RGS11: variants seen among roughly 807,000 people sequenced by gnomAD.
RGS11 encodes regulator of G-protein signaling 11.
RGS11 carries 86 observed loss-of-function variants against 71.1 expected under a neutral mutation model. The ratio of observed to expected loss-of-function variants is 1.21; its 90% confidence interval spans 1.02 to 1.45. The LOEUF is 1.45. Ranked by LOEUF, RGS11 falls within the 40% of genes most tolerant of loss-of-function variation. RGS11 has a pLI of 0.00. For missense variants in RGS11, 734 were observed against 635.1 expected, an observed-to-expected ratio of 1.16 and a Z score of -1.67; for synonymous variants, 298 against 254.2, an observed-to-expected ratio of 1.17 and a Z score of -1.64.
intron 6 of RGS11, 90 bp from the exon 7 acceptor site, chr16:273,926 G>T: frequency 6.7e-7 from 1 of 1,484,940 alleles, no homozygotes; most frequent in Non-Finnish European, 9.4e-7. Flanking sequence ...ACTGTCTTGG[G>T]TTTTGGGGCC....
chr16:269,556 G>T lies in RGS11; in HGVS notation c.1236C>A (p.Asp412Glu), dbSNP rs1433037827. 1 of 1,613,420 alleles carries T rather than the reference G, an allele frequency of 6.2e-7. No homozygotes were observed. The highest frequency in any genetic ancestry group is 8.5e-7 in the Non-Finnish European group (1 of 1,179,906). ...CCTCTGCCAGGAGGGCCTTGTACAT[G>T]TCAGACTTCAGGAACCTTGGGTAGG... is the stretch of plus-strand genomic sequence containing the variant. The part of the protein sequence containing the change: ...KDSYPRFLKS[D>E]MYKALLAEAG... The change falls in exon 16 of 17, where the codon GAC becomes GAA. Residue 412 changes from aspartate to glutamate, a missense_variant. Transcript: ENST00000397770.
rs1261886254 is a variant in RGS11 at position 275,901 on chromosome 16, C to T, written c.11G>A (p.Gly4Asp). ...GGGGCGGCCGGGGGGCGGCGCGGGG[C>T]CGGCGGCCATGGCTGCGGGGCGAGG... The part of the protein sequence containing the change: MAA[G>D]PAPPPGRPRA... Residue 4 changes from glycine to aspartate, a missense_variant, in exon 1 of 17, where the codon GGC becomes GAC. Physicochemically the swap from Gly to Asp is moderately conservative, Grantham distance 94 (BLOSUM62 -1). Transcript: ENST00000397770. The T allele has an allele frequency of 8.0e-6, 7 of 873,228 alleles. No individual in the cohort carries two copies. Among genetic ancestry groups the T allele is most frequent in the Non-Finnish European group, 9.8e-6 (7 of 714,226 alleles). The allele number at this position is 873,228 out of a possible 1,614,324, so 54.1% of individuals were successfully genotyped here.
chr16:274,511 C>T (rs1166273404), intron 4 of RGS11: 1 of 602,422 alleles, frequency 1.7e-6, no homozygotes, highest in Non-Finnish European at 3.0e-6. Flanking sequence ...CCTAAGCCCC[C>T]ATTCAAGGCG....
At position 268,311 on chromosome 16, in the gene RGS11, C is replaced by T. The variant is rs1238031139; in HGVS notation, c.*958G>A. The T allele has an allele frequency of 4.1e-6, 1 of 244,970 alleles. No homozygotes were observed. The highest frequency in any genetic ancestry group is 8.1e-6 in the Non-Finnish European group (1 of 123,452). 15.2% of individuals were successfully genotyped at this position (244,970 alleles called of 1,614,324 possible). On this transcript the variant is annotated 3_prime_UTR_variant, in exon 17 of 17. Transcript: ENST00000397770. ...TAAGCTGCACCCACAGCAGGATGGGCTCAGAGCCAGGGCCCAAGGGTCTTT... is the reference window on the plus strand; with the variant it reads ...TAAGCTGCACCCACAGCAGGATGGGTTCAGAGCCAGGGCCCAAGGGTCTTT...
At position 269,131 on chromosome 16, in the gene RGS11, G is replaced by C. The variant is rs1394082748; in HGVS notation, c.*138C>G. ...GAGGGAGGCTGTGCACCCCACAGAA[G>C]ACTGGGCCCCCTGGGCACAAGGGGA... On this transcript the variant is annotated 3_prime_UTR_variant, in exon 17 of 17. Coordinates refer to ENST00000397770, the MANE Select transcript of RGS11 (RefSeq NM_183337.3). 5 of 902,866 alleles carry C rather than the reference G, an allele frequency of 5.5e-6. No homozygotes were observed. The highest frequency in any genetic ancestry group is 8.9e-6 in the Non-Finnish European group (5 of 560,576). The allele number at this position is 902,866 out of a possible 1,614,324, so 55.9% of individuals were successfully genotyped here. A position where few individuals can be genotyped will look rare whatever the true frequency, so the allele number is the denominator to read the frequency against.
chr16:273,299 T>C (rs1268252750), intron 8 of RGS11, among the ~76,000 whole-genome samples, 176 bp downstream of exon 8: 1 of 152,076 alleles, frequency 6.6e-6, no homozygotes, highest in Admixed American at 6.5e-5. Context: ...GAGACCTGGG[T>C]TCTGATTGGC....
Position 268,798 on chromosome 16 carries a change from G to A in RGS11, c.*471C>T. The A allele has an allele frequency of 4.5e-6, 7 of 1,550,352 alleles. No individual in the cohort carries two copies. Among genetic ancestry groups the A allele is most frequent in the Non-Finnish European group, 6.1e-6 (7 of 1,146,982 alleles). On this transcript the variant is annotated 3_prime_UTR_variant, in exon 17 of 17. Coordinates refer to ENST00000397770, the MANE Select transcript of RGS11 (RefSeq NM_183337.3). ...CAGGCTCACACTGGGCGACAGCGGA[G>A]AGGCTCTTGGACGGGGCAGAGCTCG...
At chr16:275,552 C>A in intron 1 of RGS11, 54 bp from the exon 2 acceptor site, 1 of 1,410,972 alleles carries the variant, frequency 7.1e-7, no homozygotes, top group East Asian at 2.5e-5. Context: ...CCCTGATTCC[C>A]TGGCACCGGC....
In RGS11 at chr16:274,997, G is replaced by A. The variant is rs750813532; in HGVS notation, c.297C>T (p.Asp99=). Residue 99 remains aspartate, a synonymous_variant, in exon 4 of 17, where the codon GAC becomes GAT. Coordinates refer to ENST00000397770, the MANE Select transcript of RGS11 (RefSeq NM_183337.3). ...RDPRSLMLRP[D]ETPYRFQTPY... ...TGACCTGGAACCTGTAGGGCGTCTC[G>A]TCTGGCCGGAGCATGAGGCTACGGG... 1.5e-5 allele frequency: 23 copies of A among 1,538,616 alleles called. No individual in the cohort carries two copies. In the Middle Eastern group the frequency reaches 1.7e-3, roughly 113 times the overall value.
At chr16:274,670 G>A in intron 4 of RGS11, 1 of 666,104 alleles carries the variant, frequency 1.5e-6, no homozygotes, top group East Asian at 2.9e-5. Context: ...CCCTCCCTCA[G>A]GACCTGGGCC....
In RGS11 at chr16:271,022, C is replaced by T. The variant is rs546820820; in HGVS notation, c.941G>A (p.Arg314Gln). Residue 314 changes from arginine to glutamine, a missense_variant, in exon 13 of 17, where the codon CGG (arginine) becomes CAG (glutamine). Transcript: ENST00000397770. ...TCCCAGAAAGTCCATGAAGTGGGCC[C>T]GCCCCACGGGGTCCTCCAGGAGCTC... is the stretch of plus-strand genomic sequence containing the variant. ...FRELLEDPVG[R>Q]AHFMDFLGKE... The T allele has an allele frequency of 1.2e-5, 19 of 1,612,442 alleles. No individual in the cohort carries two copies. The highest frequency in any genetic ancestry group is 7.7e-5 in the South Asian group (7 of 91,072).
intron 9 of RGS11, chr16:272,430 GT>G: frequency 1.5e-6 from 2 of 1,304,084 alleles, no homozygotes; most frequent in Non-Finnish European, 2.0e-6. Flanking sequence ...TGAACAAAGG[GT>G]TTTGCTGCTG....
At position 274,967 on chromosome 16, in the gene RGS11, G is replaced by C. The variant is rs375487690; in HGVS notation, c.318+9C>G. 3 of 1,542,122 alleles carry C rather than the reference G, an allele frequency of 1.9e-6. No homozygotes were observed. The highest frequency in any genetic ancestry group is 1.2e-5 in the South Asian group (1 of 82,526). ...CCCACCGGCTCCCACCTGCACCCCCGAGCCTGACCTGGAACCTGTAGGGCG... is the reference window on the plus strand; with the variant it reads ...CCCACCGGCTCCCACCTGCACCCCCCAGCCTGACCTGGAACCTGTAGGGCG... On this transcript the variant is annotated intron_variant, in intron 4 of 16. Transcript: ENST00000397770.
At chr16:271,499 G>C (rs768978272) in intron 10 of RGS11, 39 bp from the exon 11 acceptor site, 1 of 1,613,996 alleles carries the variant, frequency 6.2e-7, no homozygotes, top group South Asian at 1.1e-5. Context: ...CCGGGCTGGG[G>C]AAGGCACCTG....
Position 273,549 on chromosome 16 carries a change from T to G in RGS11, c.514A>C (p.Lys172Gln), listed in dbSNP as rs1455444181. Residue 172 changes from lysine (K) to glutamine (Q), a missense_variant, in exon 8 of 17, where the codon AAG becomes CAG. Transcript: ENST00000397770. ...AGCCTGTCCCCCTTGCTGCGCTGCT[T>G]GGCTGCCCTGGGAGGAGGAGGCCGA... ...MQAREQLRAAKQRSKGDRLVI... is the reference protein window; with the variant it reads ...MQAREQLRAAQQRSKGDRLVI... The G allele has an allele frequency of 6.4e-7, 1 of 1,559,970 alleles. No homozygotes were observed. The highest frequency in any genetic ancestry group is 8.7e-7 in the Non-Finnish European group (1 of 1,152,284).
intron 1 of RGS11, 29 bp downstream of exon 1, chr16:275,820 G>A (rs1396196837): frequency 9.8e-7 from 1 of 1,019,996 alleles, no homozygotes; most frequent in Non-Finnish European, 1.2e-6. Flanking sequence ...GGAAATCGGG[G>A]GACGGCGGGA....
chr16:269,481 A>G (rs772666490), intron 16 of RGS11, 22 bp downstream of exon 16: 33 of 1,611,214 alleles, frequency 2.0e-5, no homozygotes, highest in Non-Finnish European at 2.7e-5. Context: ...GCCGCCGGCC[A>G]CAGGGCACTG....
rs754539263 is a variant in RGS11, at chr16:270,730, C to T, written c.1067+14G>A. The T allele has an allele frequency of 2.5e-6, 4 of 1,611,654 alleles. No homozygotes were observed. In the African/African-American group the frequency reaches 5.3e-5, roughly 22 times the overall value. ...TGCCCGTTGGCCAACCGGTGCCCAC[C>T]ACGCAGCACTTACTCGTACACGGCA... is the stretch of plus-strand genomic sequence containing the variant. On this transcript the variant is annotated intron_variant, in intron 14 of 16. Transcript: ENST00000397770.
Position 271,387 on chromosome 16 carries a change from C to T in RGS11, c.749+12G>A, listed in dbSNP as rs367771518. 29 of 1,613,424 alleles carry T rather than the reference C, an allele frequency of 1.8e-5. No homozygotes were observed. The highest frequency in any genetic ancestry group is 3.3e-4 in the Middle Eastern group (2 of 6,084). ...GCAGGGGTCTCCAGCTGCCACCCCT[C>T]ACCCCACTCACGCCTCAAGGCAGAC... On this transcript the variant is annotated intron_variant, in intron 11 of 16. Transcript: ENST00000397770.
Sources: allele counts gnomAD v4.1 joint callset (sites outside exome capture counted in the v4.1 genomes callset), GRCh38; gene constraint gnomAD v4.1.1; transcripts MANE v1.5; gene names NCBI Gene and HGNC (gene_info 2026-07-23, HGNC 2026-07-21).